Variants in COL14A1 observed in about 807,000 individuals in gnomAD.
The protein encoded by COL14A1 is collagen type XIV alpha 1 chain.
COL14A1 carries 136 observed loss-of-function variants against 230.3 expected under a neutral mutation model. The ratio of observed to expected loss-of-function variants is 0.59; its 90% CI spans 0.51 to 0.68. The LOEUF is 0.68. Among genes scored for constraint, COL14A1 ranks in the 30% least tolerant of loss-of-function variants. The pLI, the probability that COL14A1 is intolerant of heterozygous loss-of-function variation, is 0.00. For synonymous variants in COL14A1, 792 were observed against 784.1 expected (o/e 1.01, Z -0.17); for missense variants, 1,976 against 2,215.8 (o/e 0.89, Z 2.17).
At position 120,301,563 on chromosome 8, in the gene COL14A1, C is replaced by T. The variant is rs571038779; in HGVS notation, c.4401+745C>T. 1.3e-3 allele frequency among the ~76,000 whole-genome samples: 199 copies of T among 152,286 alleles called. 1 individual carries two copies. The highest frequency in any genetic ancestry group is 4.6e-3 in the African/African-American group (190 of 41,562). On this transcript the variant is annotated intron_variant, in intron 36 of 47. Transcript: ENST00000297848. ...TCTTTTTTATAGCTGCATGGTATTC[C>T]ATGATGTATATGTACCACATTTTCT...
chr8:120,169,249 G>T (rs1390787002), intron 5 of COL14A1, among the ~76,000 whole-genome samples: 1 of 152,160 alleles, frequency 6.6e-6, no homozygotes, highest in Non-Finnish European at 1.5e-5. Flanking sequence ...GAACTGCAAG[G>T]TTAAAGGATA....
At chr8:120,261,576 A>G (rs1036723048) in intron 23 of COL14A1, among the ~76,000 whole-genome samples, 9 of 152,212 alleles carry the variant, frequency 5.9e-5, no homozygotes, top group Admixed American at 5.2e-4. Context: ...ATGTACAGCA[A>G]TTTTTCTATG....
At chr8:120,154,833 G>T (rs1815410719) in intron 2 of COL14A1, among the ~76,000 whole-genome samples, 2 of 152,010 alleles carry the variant, frequency 1.3e-5, no homozygotes, top group Admixed American at 1.3e-4. Context: ...AAAAATCATG[G>T]GTCTGGTATA....
intron 36 of COL14A1, among the ~76,000 whole-genome samples, chr8:120,307,562 T>A (rs1373552442): frequency 6.6e-6 from 1 of 152,140 alleles, no homozygotes; most frequent in Admixed American, 6.5e-5. Context: ...GAATTTCTAC[T>A]CATTAAAGAG....
intron 1 of COL14A1, among the ~76,000 whole-genome samples, chr8:120,138,847 T>C (rs1402868581): frequency 6.6e-6 from 1 of 152,206 alleles, no homozygotes; most frequent in East Asian, 1.9e-4. Flanking sequence ...TGGTTTGTTT[T>C]TTAATTTACA....
intron 28 of COL14A1, 109 bp from the exon 29 acceptor site, chr8:120,279,826 G>C: frequency 8.5e-7 from 1 of 1,177,758 alleles, no homozygotes. Context: ...CCACCCCCAT[G>C]GGCCTTCCTA....
chr8:120,365,975 G>A (rs954652110), intron 45 of COL14A1, among the ~76,000 whole-genome samples: 2 of 152,186 alleles, frequency 1.3e-5, no homozygotes, highest in African/African-American at 4.8e-5. Context: ...AGATACCAAA[G>A]CTGCAGGTTA....
At chr8:120,312,038 C>T (rs554194783) in intron 37 of COL14A1, among the ~76,000 whole-genome samples, 7 of 151,934 alleles carry the variant, frequency 4.6e-5, no homozygotes, top group East Asian at 1.9e-4. Flanking sequence ...CAGAGGCTGC[C>T]GTGAGCAGAG....
chr8:120,306,588 G>A (rs577357199), intron 36 of COL14A1, among the ~76,000 whole-genome samples: 1 of 152,236 alleles, frequency 6.6e-6, no homozygotes, highest in Non-Finnish European at 1.5e-5. Flanking sequence ...TCTGTAGGAA[G>A]GCCTGGATAG....
chr8:120,177,322 A>G (rs555198948), intron 5 of COL14A1, among the ~76,000 whole-genome samples: 14 of 152,252 alleles, frequency 9.2e-5, no homozygotes, highest in African/African-American at 3.1e-4. Flanking sequence ...TCAGAATTCT[A>G]TGAACTTTAA....
chr8:120,296,791 A>G (rs919714558), intron 34 of COL14A1, among the ~76,000 whole-genome samples: 86 of 151,994 alleles, frequency 5.7e-4, no homozygotes, highest in African/African-American at 1.9e-3. Context: ...CTAAATATTT[A>G]TGGCATGATC....
intron 1 of COL14A1, among the ~76,000 whole-genome samples, chr8:120,142,573 T>G (rs1041615578): frequency 2.6e-5 from 4 of 152,236 alleles, no homozygotes; most frequent in Non-Finnish European, 5.9e-5. Context: ...GTACACTGAA[T>G]GTATTGCCTA....
intron 27 of COL14A1, 64 bp downstream of exon 27, chr8:120,278,298 C>G: frequency 6.6e-7 from 1 of 1,525,144 alleles, no homozygotes; most frequent in Non-Finnish European, 8.8e-7. Context: ...ACTGAAATGA[C>G]CTTTTATTTT....
At position 120,371,924 on chromosome 8, in the gene COL14A1, G is replaced by T. The variant is rs2429; in HGVS notation, c.*693G>T. The T allele has an allele frequency of 0.8, 256,844 of 320,692 alleles. 106,126 individuals carry two copies. Among genetic ancestry groups the T allele is most frequent in the Non-Finnish European group, 0.88 (155,810 of 176,674 alleles). The allele number at this position is 320,692 out of a possible 1,614,324, so 19.9% of individuals were successfully genotyped here. A position where few individuals can be genotyped will look rare whatever the true frequency, so the allele number is the denominator to read the frequency against. ...TTTAATGAACGATTTATCCAGCAGT[G>T]TGTTCCAGGGGTTGCCTCTCCTTAT... On this transcript the variant is annotated 3_prime_UTR_variant, in exon 48 of 48. Transcript: ENST00000297848.
intron 47 of COL14A1, 86 bp downstream of exon 47, chr8:120,369,571 A>C: frequency 7.6e-7 from 1 of 1,313,784 alleles, no homozygotes; most frequent in Non-Finnish European, 1.0e-6. Context: ...GTGCTATGAA[A>C]AAAGTTAAAT....
intron 40 of COL14A1, among the ~76,000 whole-genome samples, chr8:120,321,399 G>A (rs995300403): frequency 6.6e-6 from 1 of 152,118 alleles, no homozygotes; most frequent in African/African-American, 2.4e-5. Flanking sequence ...CCAGCACTTT[G>A]GGAGGCTGAG....
At chr8:120,179,540 G>C (rs1479919189) in intron 5 of COL14A1, among the ~76,000 whole-genome samples, 3 of 152,050 alleles carry the variant, frequency 2.0e-5, no homozygotes, top group Non-Finnish European at 4.4e-5. Context: ...AAATAAGAGA[G>C]GACACAAGCA....
At chr8:120,357,906 A>G (rs1342770645) in intron 45 of COL14A1, among the ~76,000 whole-genome samples, 5 of 152,226 alleles carry the variant, frequency 3.3e-5, no homozygotes, top group African/African-American at 1.2e-4. Flanking sequence ...TTTGAAGACT[A>G]CTAATACCTT....
At chr8:120,148,806 C>T (rs1302066877) in intron 2 of COL14A1, among the ~76,000 whole-genome samples, 1 of 152,194 alleles carries the variant, frequency 6.6e-6, no homozygotes, top group Admixed American at 6.5e-5. Flanking sequence ...GAAATCTGCT[C>T]TTTGCATTCC....
Sources: gnomAD v4.1 joint callset for allele counts (sites outside exome capture counted in the v4.1 genomes callset) on GRCh38, gnomAD v4.1.1 for gene constraint, MANE v1.5 for transcripts, NCBI Gene and HGNC (gene_info 2026-07-23, HGNC 2026-07-21) for gene names.